Variants in ZIM2 observed in about 807,000 individuals in gnomAD.
ZIM2 encodes the protein zinc finger imprinted 2.
A neutral mutation model predicts 38.6 loss-of-function variants in ZIM2; 14 were observed. The ratio of observed to expected loss-of-function variants is 0.36; its 90% CI spans 0.24 to 0.57. ZIM2 has a LOEUF of 0.57. Among genes scored for constraint, ZIM2 ranks in the 20% least tolerant of loss-of-function variants. The pLI, the probability that ZIM2 is intolerant of heterozygous loss-of-function variation, is 0.81. For missense variants in ZIM2, 680 were observed against 695.1 expected, an observed-to-expected ratio of 0.98 and a Z score of 0.24; for synonymous variants, 247 against 245.8, an observed-to-expected ratio of 1.00 and a Z score of -0.04.
chr19:56,835,957 AG>A, intron 2 of ZIM2, 60 bp downstream of exon 2: 1 of 483,590 alleles, frequency 2.1e-6, no homozygotes, highest in Admixed American at 2.2e-5. Flanking sequence ...TGTCAGAGTA[AG>A]GAAGTGCGGT....
At chr19:56,788,033 G>T (rs1185826455) in intron 10 of ZIM2, among the ~76,000 whole-genome samples, 2 of 148,514 alleles carry the variant, frequency 1.3e-5, no homozygotes, top group Admixed American at 6.7e-5. Context: ...CTGTTTTGCT[G>T]ATCTTTTCAA....
chr19:56,795,291 C>T (rs905816665), intron 9 of ZIM2, among the ~76,000 whole-genome samples: 2 of 152,176 alleles, frequency 1.3e-5, no homozygotes, highest in Admixed American at 1.3e-4. Flanking sequence ...GGTGGCTTTT[C>T]CACCACAAGG....
rs553493607 is a variant in ZIM2 at position 56,825,282 on chromosome 19, A to G, written c.-150-855T>C. On this transcript the variant is annotated intron_variant, in intron 3 of 12. Coordinates refer to ENST00000629319, the MANE Select transcript of ZIM2 (RefSeq NM_001387356.1). ...TACAACATGTAAAAAATGGAAGACC[A>G]TTCAAAAATATTAAAAGTACTCAAC... 3.3e-5 allele frequency among the ~76,000 whole-genome samples: 5 copies of G among 152,384 alleles called. No individual in the cohort carries two copies. The South Asian group carries it at 6.2e-4, about 19-fold the overall frequency.
chr19:56,806,045 A>G (rs781224050), intron 9 of ZIM2, among the ~76,000 whole-genome samples: 1 of 152,218 alleles, frequency 6.6e-6, no homozygotes, highest in Non-Finnish European at 1.5e-5. Context: ...TGTGAAATCT[A>G]TGCCCAGTGG....
chr19:56,814,290 A>T lies in ZIM2; in HGVS notation c.490+3456T>A. On this transcript the variant is annotated intron_variant, in intron 9 of 12. Coordinates refer to ENST00000629319, the MANE Select transcript of ZIM2 (RefSeq NM_001387356.1). This position sits in a 1 kb window ranked among gnomAD's most constrained non-coding sequence, Gnocchi z 5.8. The stretch of plus-strand genomic sequence containing the variant: ...CTACGTTTAAGCCCTGAATCCTCAG[A>T]ACTACTTGTGGAACATGGACATTGG... 1 of 1,613,718 alleles carries T rather than the reference A, an allele frequency of 6.2e-7. No homozygotes were observed. The highest frequency in any genetic ancestry group is 8.5e-7 in the Non-Finnish European group (1 of 1,179,984).
At chr19:56,790,808 G>A (rs1458728321) in intron 9 of ZIM2, among the ~76,000 whole-genome samples, 1 of 152,216 alleles carries the variant, frequency 6.6e-6, no homozygotes, top group East Asian at 1.9e-4. Flanking sequence ...GATAAGGGGA[G>A]TATACTATAC....
rs766518038 is a variant in ZIM2, at chr19:56,817,458, C to T, written c.490+288G>A. The T allele has an allele frequency of 3.2e-5, 51 of 1,613,822 alleles. 2 individuals carry two copies. In the Admixed American group the frequency reaches 3.7e-4, roughly 12 times the overall value. ...GGTCGCTTGACTCCCTTGCTCTTCC[C>T]GATTTGGAACTGCGTGACACATCCT... On this transcript the variant is annotated intron_variant, in intron 9 of 12. Coordinates refer to ENST00000629319, the MANE Select transcript of ZIM2 (RefSeq NM_001387356.1).
chr19:56,784,358 A>T (rs2046483883), intron 10 of ZIM2, among the ~76,000 whole-genome samples: 1 of 152,220 alleles, frequency 6.6e-6, no homozygotes, highest in Non-Finnish European at 1.5e-5. Context: ...TGGATAATCA[A>T]TATTATTATA....
chr19:56,814,691 C>G lies in ZIM2; in HGVS notation c.490+3055G>C. 6.2e-7 allele frequency: 1 copy of G among 1,614,008 alleles called. No homozygotes were observed. Among genetic ancestry groups the G allele is most frequent in the Non-Finnish European group, 8.5e-7 (1 of 1,179,950 alleles). ...GCCATCTGGCTCTGCTCCAGTAAATCATCTTCCCTATGAAGTCTCATATGC... is the reference window on the plus strand; with the variant it reads ...GCCATCTGGCTCTGCTCCAGTAAATGATCTTCCCTATGAAGTCTCATATGC... On this transcript the variant is annotated intron_variant, in intron 9 of 12. Coordinates refer to ENST00000629319, the MANE Select transcript of ZIM2 (RefSeq NM_001387356.1). The surrounding 1 kb of genome is among the most constrained non-coding windows in gnomAD (Gnocchi z 5.8).
chr19:56,779,238 G>T, intron 12 of ZIM2, 139 bp downstream of exon 12: 1 of 721,506 alleles, frequency 1.4e-6, no homozygotes, highest in Non-Finnish European at 2.3e-6. Flanking sequence ...ATGGGCTTCA[G>T]AAAGGAGACC....
chr19:56,832,209 G>C (rs1327516537), intron 2 of ZIM2, among the ~76,000 whole-genome samples: 1 of 152,164 alleles, frequency 6.6e-6, no homozygotes, highest in African/African-American at 2.4e-5. Context: ...TGCAATTACT[G>C]TTTCCTAGCG....
chr19:56,782,208 C>CT lies in ZIM2; in HGVS notation c.571-88dup, dbSNP rs750978409. ...GACCAGCAGAGAGCTTCCACGTGCT[C>CT]TAATCCAGAGCCACAGGCACCTGGC... On this transcript the variant is annotated intron_variant, in intron 10 of 12. Coordinates refer to ENST00000629319, the MANE Select transcript of ZIM2 (RefSeq NM_001387356.1). 7 of 1,531,128 alleles carry CT rather than the reference C, an allele frequency of 4.6e-6. No homozygotes were observed. In the South Asian group the frequency reaches 8.8e-5, roughly 19 times the overall value. The allele number at this position is 1,531,128 out of a possible 1,614,324, so 94.8% of individuals were successfully genotyped here. A position where few individuals can be genotyped will look rare whatever the true frequency, so the allele number is the denominator to read the frequency against.
intron 9 of ZIM2, among the ~76,000 whole-genome samples, chr19:56,802,704 C>A (rs1168267577): frequency 6.6e-6 from 1 of 152,170 alleles, no homozygotes; most frequent in African/African-American, 2.4e-5. Flanking sequence ...ATGGCAGGAT[C>A]CTCAGACAGG....
chr19:56,822,956 C>A, intron 5 of ZIM2, 120 bp from the exon 6 acceptor site: 1 of 1,330,106 alleles, frequency 7.5e-7, no homozygotes, highest in South Asian at 1.3e-5. Context: ...GAGATGGATC[C>A]AAAACAGAGA....
At position 56,823,666 on chromosome 19, in the gene ZIM2, A is replaced by G. The variant is rs1438479612; in HGVS notation, c.30T>C (p.Ser10=). The G allele has an allele frequency of 1.2e-6, 2 of 1,613,926 alleles. No individual in the cohort carries two copies. The highest frequency in any genetic ancestry group is 1.7e-5 in the Admixed American group (1 of 59,990). MYQPEDDNN[S]DVTSDDDMTR... ...TCATGTCGTCGTCGCTGGTCACGTC[A>G]CTGTTGTTGTCGTCTAAGAGGACAC... The change falls in exon 5 of 13, where the codon AGT becomes AGC. Residue 10 remains serine (S), a synonymous_variant. Transcript: ENST00000629319.
At chr19:56,838,913 A>AC (rs1399241787) in intron 1 of ZIM2, among the ~76,000 whole-genome samples, 4 of 152,214 alleles carry the variant, frequency 2.6e-5, no homozygotes, top group Admixed American at 6.5e-5. Flanking sequence ...CAAAGATGGC[A>AC]CCCAGGTGGG....
At chr19:56,804,544 A>G (rs1283235266) in intron 9 of ZIM2, among the ~76,000 whole-genome samples, 1 of 152,200 alleles carries the variant, frequency 6.6e-6, no homozygotes, top group African/African-American at 2.4e-5. Flanking sequence ...CCTCTTCTAC[A>G]TGCTTGACGT....
intron 9 of ZIM2, chr19:56,816,035 C>T: frequency 6.3e-7 from 1 of 1,595,792 alleles, no homozygotes; most frequent in Non-Finnish European, 8.5e-7. Context: ...GTAGACTCTG[C>T]CATTACTTTT....
At chr19:56,819,917 G>C (rs1033275861) in intron 7 of ZIM2, among the ~76,000 whole-genome samples, 2 of 152,156 alleles carry the variant, frequency 1.3e-5, no homozygotes, top group East Asian at 1.9e-4. Flanking sequence ...GGGTTTAAGA[G>C]GGAAGCCTTA....
Sources: allele counts gnomAD v4.1 joint callset (sites outside exome capture counted in the v4.1 genomes callset), GRCh38; gene constraint gnomAD v4.1.1; non-coding constraint Gnocchi (gnomAD v3.1); transcripts MANE v1.5; gene names NCBI Gene and HGNC (gene_info 2026-07-23, HGNC 2026-07-21).